Variants in CPQ observed in about 807,000 individuals in gnomAD.
The protein encoded by CPQ is Ser-Met dipeptidase.
CPQ carries 37 observed loss-of-function variants against 45.7 expected under a neutral mutation model. That is an observed-to-expected ratio of 0.81 (90% confidence interval 0.62 to 1.07). CPQ has a LOEUF of 1.07. Among genes scored for constraint, CPQ ranks in the 50% least tolerant of loss-of-function variants. The pLI is 0.00. For synonymous variants in CPQ, 186 were observed against 205.8 expected, an observed-to-expected ratio of 0.90 and a Z score of 0.82; for missense variants, 537 against 572.9, an observed-to-expected ratio of 0.94 and a Z score of 0.64.
chr8:96,956,432 G>C (rs1379989628), intron 4 of CPQ, among the ~76,000 whole-genome samples: 5 of 151,916 alleles, frequency 3.3e-5, no homozygotes, highest in African/African-American at 1.2e-4. Flanking sequence ...TCAGCATTTT[G>C]GCTTATTAGT....
chr8:96,687,444 C>T (rs753151126), intron 1 of CPQ, among the ~76,000 whole-genome samples: 4 of 152,098 alleles, frequency 2.6e-5, no homozygotes, highest in Non-Finnish European at 5.9e-5. Flanking sequence ...AACTTCGCCT[C>T]ATGATCTGCC....
chr8:97,057,627 T>C (rs1162206973), intron 6 of CPQ, among the ~76,000 whole-genome samples: 1 of 152,178 alleles, frequency 6.6e-6, no homozygotes, highest in Non-Finnish European at 1.5e-5. Context: ...TAAACATTTA[T>C]TGTTCACCTA....
At chr8:97,101,426 C>T (rs1254769643) in intron 7 of CPQ, among the ~76,000 whole-genome samples, 1 of 148,740 alleles carries the variant, frequency 6.7e-6, no homozygotes, top group Non-Finnish European at 1.5e-5. Context: ...TTCTGCCGTA[C>T]TATATATATA....
chr8:97,122,214 C>A (rs569560954), intron 7 of CPQ, among the ~76,000 whole-genome samples: 1 of 151,720 alleles, frequency 6.6e-6, no homozygotes, highest in African/African-American at 2.4e-5. Flanking sequence ...GCATGATAAG[C>A]GACAAGAAAA....
At chr8:97,137,746 G>A (rs1586559034) in intron 7 of CPQ, among the ~76,000 whole-genome samples, 1 of 152,174 alleles carries the variant, frequency 6.6e-6, no homozygotes, top group South Asian at 2.1e-4. Flanking sequence ...TGGTTAACAC[G>A]GTGAAACTCC....
chr8:97,073,623 G>C (rs370945827), intron 7 of CPQ, among the ~76,000 whole-genome samples: 2 of 152,168 alleles, frequency 1.3e-5, no homozygotes, highest in African/African-American at 4.8e-5. Flanking sequence ...AGCATGTGTT[G>C]AGTGCCTGCT....
Position 96,835,103 on chromosome 8 carries a change from G to A in CPQ, c.564G>A (p.Thr188=), listed in dbSNP as rs765236368. 65 of 1,599,444 alleles carry A rather than the reference G, an allele frequency of 4.1e-5. No individual in the cohort carries two copies. Among genetic ancestry groups the A allele is most frequent in the Middle Eastern group, 1.7e-4 (1 of 6,026 alleles). ...ACTCAAGGACGGTGCAATACCGAACGCAGGGGGCGGTGGAAGCTGCCAAGG... is the reference window on the plus strand; with the variant it reads ...ACTCAAGGACGGTGCAATACCGAACACAGGGGGCGGTGGAAGCTGCCAAGG... The part of the protein sequence containing the change: ...INYSRTVQYR[T]QGAVEAAKVG... Residue 188 remains threonine (T), a synonymous_variant, in exon 3 of 8, where the codon ACG becomes ACA. Transcript: ENST00000220763.
intron 3 of CPQ, among the ~76,000 whole-genome samples, chr8:96,865,415 A>T (rs978568168): frequency 7.2e-5 from 11 of 151,986 alleles, no homozygotes; most frequent in African/African-American, 2.4e-4. Flanking sequence ...CACCAGTCTG[A>T]CTTAGAGCTG....
intron 1 of CPQ, among the ~76,000 whole-genome samples, chr8:96,748,141 A>G (rs1029185177): frequency 1.3e-5 from 2 of 152,156 alleles, no homozygotes; most frequent in Non-Finnish European, 2.9e-5. Context: ...TTTGTGCATT[A>G]CTACAGTAAT....
intron 4 of CPQ, among the ~76,000 whole-genome samples, chr8:96,935,360 C>T (rs563635033): frequency 6.6e-6 from 1 of 152,102 alleles, no homozygotes; most frequent in Non-Finnish European, 1.5e-5. Flanking sequence ...GAGACATGTG[C>T]CTACTTTCAT....
intron 1 of CPQ, among the ~76,000 whole-genome samples, chr8:96,745,326 G>A (rs1298218569): frequency 1.3e-5 from 2 of 151,930 alleles, no homozygotes; most frequent in Non-Finnish European, 2.9e-5. Context: ...AAATGTATAC[G>A]GGAACTGGAG....
intron 4 of CPQ, among the ~76,000 whole-genome samples, chr8:96,952,689 G>T (rs1813286284): frequency 6.6e-6 from 1 of 152,064 alleles, no homozygotes; most frequent in South Asian, 2.1e-4. Flanking sequence ...ACAAAATTAT[G>T]ATTGTTATGT....
Position 96,784,918 on chromosome 8 carries a change from A to AT in CPQ, c.26dup (p.Gly10ArgfsTer21). ...AAAAAATGAAATTCCTTATCTTCGCATTTTTCGGTGGTGTTCACCTTTTAT... is the reference window on the plus strand; with the variant it reads ...AAAAAATGAAATTCCTTATCTTCGCATTTTTTCGGTGGTGTTCACCTTTTAT... On this transcript the variant is annotated frameshift_variant, in exon 2 of 8. Coordinates refer to ENST00000220763, the MANE Select transcript of CPQ (RefSeq NM_016134.4). LOFTEE classifies it high-confidence loss of function. 1 of 1,599,160 alleles carries AT rather than the reference A, an allele frequency of 6.3e-7. No homozygotes were observed.
intron 4 of CPQ, among the ~76,000 whole-genome samples, chr8:96,945,596 C>T (rs538000487): frequency 6.6e-6 from 1 of 152,130 alleles, no homozygotes; most frequent in African/African-American, 2.4e-5. Flanking sequence ...GAAAGAGTGC[C>T]TAGGAGCGTG....
chr8:96,938,922 C>T (rs1014021050), intron 4 of CPQ, among the ~76,000 whole-genome samples: 1 of 152,158 alleles, frequency 6.6e-6, no homozygotes, highest in African/African-American at 2.4e-5. Flanking sequence ...TAGTACGATT[C>T]TGGGACTTTT....
At chr8:96,904,822 A>G (rs909351341) in intron 4 of CPQ, among the ~76,000 whole-genome samples, 1 of 151,816 alleles carries the variant, frequency 6.6e-6, no homozygotes, top group African/African-American at 2.4e-5. Flanking sequence ...CATTCTACAG[A>G]CTCCATGGGC....
chr8:96,649,445 A>T (rs568943045), intron 1 of CPQ, among the ~76,000 whole-genome samples: 22 of 152,238 alleles, frequency 1.4e-4, no homozygotes, highest in Non-Finnish European at 2.8e-4. Flanking sequence ...TAGGATAAGG[A>T]TCTAAACTAA....
intron 1 of CPQ, among the ~76,000 whole-genome samples, chr8:96,664,558 C>A (rs1413514885): frequency 6.6e-6 from 1 of 152,174 alleles, no homozygotes; most frequent in Non-Finnish European, 1.5e-5. Context: ...TGAGGTCAGA[C>A]AGCCTTAGTT....
chr8:97,083,084 A>G (rs1454901790), intron 7 of CPQ, among the ~76,000 whole-genome samples: 2 of 152,174 alleles, frequency 1.3e-5, no homozygotes, highest in African/African-American at 4.8e-5. Flanking sequence ...AACTTCCTGG[A>G]GCTTCAGTTT....
Sources: allele counts gnomAD v4.1 joint callset (sites outside exome capture counted in the v4.1 genomes callset), GRCh38; gene constraint gnomAD v4.1.1; transcripts MANE v1.5; gene names NCBI Gene and HGNC (gene_info 2026-07-23, HGNC 2026-07-21).